TEX14: variants seen among roughly 807,000 people sequenced by gnomAD.
The protein encoded by TEX14 is testis expressed 14, intercellular bridge forming factor.
In TEX14, 168 loss-of-function variants were observed where a neutral mutation model predicts 178.6. That is an observed-to-expected ratio of 0.94 (90% CI 0.83 to 1.07). The LOEUF (loss-of-function observed/expected upper bound fraction) is 1.07. TEX14 is among the 50% of genes least tolerant of loss of function. The probability of loss-of-function intolerance (pLI) is 0.00; values close to 1 mark genes in which losing one functional copy is unlikely to be tolerated. For synonymous variants in TEX14, 626 were observed against 634.1 expected (o/e 0.99, Z 0.19); for missense variants, 1,730 against 1,753.6 (o/e 0.99, Z 0.24).
rs938130874 is a variant in TEX14, at chr17:58,601,712, A to G, written c.1678+94T>C. 5.5e-5 allele frequency: 64 copies of G among 1,172,000 alleles called. No homozygotes were observed. In the Admixed American group the frequency reaches 1.2e-3, roughly 22 times the overall value. The allele number at this position is 1,172,000 out of a possible 1,614,324, so 72.6% of individuals were successfully genotyped here. On this transcript the variant is annotated intron_variant, in intron 13 of 31. Coordinates refer to ENST00000349033, the MANE Select transcript of TEX14 (RefSeq NM_031272.5). ...TTATCTCACAAAACAAACAAGTTACATCTACAGTTTAGAGGAGTCAATTAG... is the reference window on the plus strand; with the variant it reads ...TTATCTCACAAAACAAACAAGTTACGTCTACAGTTTAGAGGAGTCAATTAG...
rs539693395 is a variant in TEX14, at chr17:58,594,541, C to T, written c.2470-880G>A. ...TAATTTTTTATATTTCTAGTAGAGA[C>T]GTGGTTTCACCATGTTGGCCAGGCT... On this transcript the variant is annotated intron_variant, in intron 14 of 31. Coordinates refer to ENST00000349033, the MANE Select transcript of TEX14 (RefSeq NM_031272.5). Among the ~76,000 whole-genome samples the T allele has an allele frequency of 3.7e-3, 565 of 151,826 alleles. 3 individuals carry two copies. Among genetic ancestry groups the T allele is most frequent in the Non-Finnish European group, 5.6e-3 (383 of 67,912 alleles).
At chr17:58,636,146 C>T (rs1039500520) in intron 2 of TEX14, among the ~76,000 whole-genome samples, 1 of 152,154 alleles carries the variant, frequency 6.6e-6, no homozygotes, top group Admixed American at 6.6e-5. Context: ...AACCTCTGTC[C>T]CTACAACTTA....
At chr17:58,559,662 C>T (rs1294610968) in intron 29 of TEX14, 100 bp from the exon 30 acceptor site, 1 of 693,574 alleles carries the variant, frequency 1.4e-6, no homozygotes. Context: ...ACAACAACAA[C>T]AAAACCATAT....
At chr17:58,687,028 C>T (rs976748013) in intron 1 of TEX14, among the ~76,000 whole-genome samples, 3 of 151,936 alleles carry the variant, frequency 2.0e-5, no homozygotes, top group Non-Finnish European at 4.4e-5. Flanking sequence ...TGCCCACCAC[C>T]ACACCTGTAG....
chr17:58,608,199 C>G (rs1182896066), intron 10 of TEX14, among the ~76,000 whole-genome samples: 2 of 152,090 alleles, frequency 1.3e-5, no homozygotes, highest in Non-Finnish European at 2.9e-5. Context: ...GGGTGGATCA[C>G]AAGGTCAGGA....
chr17:58,563,654 TATATAGAGAGAGAGAGAG>T (rs1409346798), intron 28 of TEX14, among the ~76,000 whole-genome samples: 7 of 20,100 alleles, frequency 3.5e-4, no homozygotes, highest in Middle Eastern at 0.015. Context: ...TATATATATA[TATATAGAGAGAGAGAGAG>T]AGAGAGAGAG....
Position 58,599,165 on chromosome 17 carries a change from A to G in TEX14, c.2180T>C (p.Ile727Thr), listed in dbSNP as rs142622477. Reference protein sequence around the residue: ...NNMSTTEEYLISKCVLDLKIM... With the variant: ...NNMSTTEEYLTSKCVLDLKIM... ...CTTTAGATCCAGCACACACTTACTG[A>G]TGAGATACTCCTCAGTCGTGGACAT... Residue 727 changes from isoleucine (I) to threonine (T), a missense_variant, in exon 14 of 32, where the codon ATC (isoleucine) becomes ACC (threonine). Transcript: ENST00000349033. The G allele has an allele frequency of 2.5e-6, 4 of 1,614,010 alleles. No homozygotes were observed.
intron 10 of TEX14, among the ~76,000 whole-genome samples, chr17:58,608,189 G>A (rs949346086): frequency 3.3e-5 from 5 of 152,108 alleles, no homozygotes; most frequent in African/African-American, 9.7e-5. Flanking sequence ...AGGCTGAGGC[G>A]GGTGGATCAC....
chr17:58,624,475 G>A (rs146360217), intron 3 of TEX14, among the ~76,000 whole-genome samples: 3,510 of 151,252 alleles, frequency 0.023, 140 homozygotes, highest in African/African-American at 0.08. Context: ...TGAGTAGCTG[G>A]GATTATAGGT....
At chr17:58,561,018 C>G (rs972131564) in intron 29 of TEX14, among the ~76,000 whole-genome samples, 1 of 152,218 alleles carries the variant, frequency 6.6e-6, no homozygotes, top group Non-Finnish European at 1.5e-5. Context: ...ACTTCTTGCC[C>G]TCAGTAAAAT....
chr17:58,688,840 G>C (rs1416359047), intron 1 of TEX14, among the ~76,000 whole-genome samples: 1 of 152,128 alleles, frequency 6.6e-6, no homozygotes. Context: ...GAAGTATCCA[G>C]TTTAAGCCTG....
intron 1 of TEX14, chr17:58,660,470 T>C (rs2143358639): frequency 1.7e-6 from 1 of 604,966 alleles, no homozygotes; most frequent in East Asian, 2.7e-5. Context: ...TAAGCATCTT[T>C]GCCTTCGTTT....
intron 7 of TEX14, among the ~76,000 whole-genome samples, chr17:58,615,912 G>A (rs762718234): frequency 6.6e-6 from 1 of 152,178 alleles, no homozygotes; most frequent in Non-Finnish European, 1.5e-5. Flanking sequence ...AGCTGTGGGG[G>A]CTGTAAGGGA....
At chr17:58,636,642 T>C (rs936426227) in intron 2 of TEX14, among the ~76,000 whole-genome samples, 2 of 152,044 alleles carry the variant, frequency 1.3e-5, no homozygotes, top group African/African-American at 4.8e-5. Flanking sequence ...AAATATGTAT[T>C]TGGGGCCGGG....
chr17:58,595,568 A>G (rs1157062317), intron 14 of TEX14, among the ~76,000 whole-genome samples: 2 of 152,238 alleles, frequency 1.3e-5, no homozygotes, highest in African/African-American at 2.4e-5. Flanking sequence ...GTCAGCTGCT[A>G]TGCTGTAGAG....
At chr17:58,677,169 T>TA (rs2047409537) in intron 1 of TEX14, among the ~76,000 whole-genome samples, 2 of 150,706 alleles carry the variant, frequency 1.3e-5, no homozygotes. Context: ...CACATGCCTG[T>TA]ACAGCTACTT....
intron 2 of TEX14, among the ~76,000 whole-genome samples, chr17:58,640,086 G>C (rs1354318733): frequency 1.3e-5 from 2 of 152,154 alleles, no homozygotes; most frequent in Non-Finnish European, 2.9e-5. Context: ...CAAGGTGGGT[G>C]GATCACCTGA....
At chr17:58,681,133 G>A (rs1439757582) in intron 1 of TEX14, among the ~76,000 whole-genome samples, 3 of 151,946 alleles carry the variant, frequency 2.0e-5, no homozygotes, top group Non-Finnish European at 2.9e-5. Context: ...TAAATTAGCC[G>A]GGCATGCTGG....
chr17:58,574,332 A>T, intron 21 of TEX14, 83 bp from the exon 22 acceptor site: 1 of 1,062,406 alleles, frequency 9.4e-7, no homozygotes, highest in East Asian at 2.4e-5. Context: ...GAACCAGTTG[A>T]TCAGCCCAGT....
Sources: allele counts gnomAD v4.1 joint callset (sites outside exome capture counted in the v4.1 genomes callset), GRCh38; gene constraint gnomAD v4.1.1; transcripts MANE v1.5; gene names NCBI Gene and HGNC (gene_info 2026-07-23, HGNC 2026-07-21).